The following PLPPR1 variants were observed in gnomAD, a reference collection of about 807,000 sequenced individuals.
The protein encoded by PLPPR1 is phospholipid phosphatase related 1, also known as phospholipid phosphatase-related protein type 1.
A neutral mutation model predicts 33.1 loss-of-function variants in PLPPR1; 10 were observed. The observed-to-expected ratio is 0.30, with a 90% CI of 0.19 to 0.51. The LOEUF is 0.51. PLPPR1 is among the 20% of genes least tolerant of loss of function. PLPPR1 has a pLI of 0.97. For synonymous variants in PLPPR1, 151 were observed against 151.0 expected, an observed-to-expected ratio of 1.00 and a Z score of 0.00; for missense variants, 304 against 408.1, an observed-to-expected ratio of 0.74 and a Z score of 2.20.
chr9:101,108,433 G>A (rs1219011779), intron 1 of PLPPR1, among the ~76,000 whole-genome samples: 1 of 152,200 alleles, frequency 6.6e-6, no homozygotes, highest in East Asian at 1.9e-4. Flanking sequence ...AACATGCATA[G>A]GTGATGCATA....
chr9:101,079,659 A>C (rs1446950745), intron 1 of PLPPR1, among the ~76,000 whole-genome samples: 1 of 151,702 alleles, frequency 6.6e-6, no homozygotes, highest in African/African-American at 2.4e-5. Flanking sequence ...GGCTCACTGC[A>C]ACCTCTGTCT....
chr9:101,286,841 T>A (rs1021329573), intron 4 of PLPPR1, among the ~76,000 whole-genome samples: 1 of 152,198 alleles, frequency 6.6e-6, no homozygotes, highest in Non-Finnish European at 1.5e-5. Context: ...TGGGTACAGG[T>A]AAGAATAGAG....
At chr9:101,123,691 G>C (rs1831205029) in intron 1 of PLPPR1, among the ~76,000 whole-genome samples, 1 of 152,160 alleles carries the variant, frequency 6.6e-6, no homozygotes, top group South Asian at 2.1e-4. Flanking sequence ...CTTAGCATTT[G>C]CTCTGCTACT....
At chr9:101,125,622 C>T in intron 1 of PLPPR1, 1 of 561,412 alleles carries the variant, frequency 1.8e-6, no homozygotes, top group South Asian at 1.6e-5. Context: ...TCAGAGTCAT[C>T]CTCAATTTCC....
intron 2 of PLPPR1, among the ~76,000 whole-genome samples, chr9:101,240,947 T>C (rs1436734674): frequency 6.6e-6 from 1 of 152,094 alleles, no homozygotes; most frequent in Non-Finnish European, 1.5e-5. Context: ...ATGAAGGCAT[T>C]GCCATACTTT....
chr9:101,235,687 G>A (rs1215167413), intron 2 of PLPPR1, among the ~76,000 whole-genome samples: 1 of 151,716 alleles, frequency 6.6e-6, no homozygotes, highest in Non-Finnish European at 1.5e-5. Context: ...TGATAGAACA[G>A]CAATGCCCCC....
chr9:101,044,747 T>C (rs1380103416), intron 1 of PLPPR1, among the ~76,000 whole-genome samples: 2 of 152,310 alleles, frequency 1.3e-5, no homozygotes, highest in Non-Finnish European at 2.9e-5. Flanking sequence ...ATGCATGTGC[T>C]GGCTGAGGAT....
intron 2 of PLPPR1, among the ~76,000 whole-genome samples, chr9:101,234,858 A>T (rs1827267718): frequency 6.6e-6 from 1 of 151,928 alleles, no homozygotes; most frequent in African/African-American, 2.4e-5. Context: ...AAATTTATTG[A>T]TGTGTATCTG....
chr9:101,268,705 C>T (rs948717542), intron 2 of PLPPR1, among the ~76,000 whole-genome samples: 2 of 152,124 alleles, frequency 1.3e-5, no homozygotes, highest in African/African-American at 2.4e-5. Flanking sequence ...TTATGATTTC[C>T]CTTTACTGCC....
Position 101,057,082 on chromosome 9 carries a change from C to T in PLPPR1, c.-46+27980C>T, listed in dbSNP as rs145362866. On this transcript the variant is annotated intron_variant, in intron 1 of 7. Coordinates refer to ENST00000374874, the MANE Select transcript of PLPPR1 (RefSeq NM_207299.2). ...GCCTGCCAGTGTTTATGTTGTTCTG[C>T]CCACCTTGAAAGCCATCTCCTCACC... is the stretch of plus-strand genomic sequence containing the variant. Among the ~76,000 whole-genome samples the T allele has an allele frequency of 3.6e-4, 55 of 152,132 alleles. 1 individual carries two copies. The highest frequency in any genetic ancestry group is 1.3e-3 in the African/African-American group (54 of 41,418).
intron 2 of PLPPR1, among the ~76,000 whole-genome samples, chr9:101,236,920 T>C (rs1235665319): frequency 1.3e-5 from 2 of 151,778 alleles, no homozygotes; most frequent in Non-Finnish European, 2.9e-5. Context: ...GGGAAGAAAA[T>C]GTTTGCAAAC....
At chr9:101,266,621 T>A (rs1015318510) in intron 2 of PLPPR1, among the ~76,000 whole-genome samples, 10 of 152,114 alleles carry the variant, frequency 6.6e-5, no homozygotes, top group African/African-American at 2.4e-4. Context: ...TTTATAAACT[T>A]TTAATTTATC....
chr9:101,107,674 C>T (rs1439668622), intron 1 of PLPPR1, among the ~76,000 whole-genome samples: 1 of 88,166 alleles, frequency 1.1e-5, no homozygotes, highest in African/African-American at 5.0e-5. Context: ...TGGTGGGCTC[C>T]ACCCAGTTCG....
chr9:101,144,302 T>C (rs556863689), intron 1 of PLPPR1, among the ~76,000 whole-genome samples: 1 of 152,006 alleles, frequency 6.6e-6, no homozygotes, highest in Non-Finnish European at 1.5e-5. Context: ...TTAGGAGAAA[T>C]CCCTAATGTA....
At chr9:101,276,676 A>C (rs1828202850) in intron 3 of PLPPR1, among the ~76,000 whole-genome samples, 1 of 152,242 alleles carries the variant, frequency 6.6e-6, no homozygotes, top group African/African-American at 2.4e-5. Flanking sequence ...CTGTTCAGAT[A>C]AAAAGATATA....
At position 101,306,608 on chromosome 9, in the gene PLPPR1, T is replaced by C. The variant is rs143598432; in HGVS notation, c.386-2603T>C. 1.8e-3 allele frequency among the ~76,000 whole-genome samples: 273 copies of C among 152,348 alleles called. 1 individual carries two copies. The highest frequency in any genetic ancestry group is 6.2e-3 in the African/African-American group (259 of 41,588). Reference sequence around the variant, plus strand: ...TGTCTGTTGTAAATTGGAAAATCCATTCAGAAACATAATTGGCTTTGGCTT... The same window carrying C: ...TGTCTGTTGTAAATTGGAAAATCCACTCAGAAACATAATTGGCTTTGGCTT... On this transcript the variant is annotated intron_variant, in intron 4 of 7. Transcript: ENST00000374874.
Position 101,243,855 on chromosome 9 carries a change from C to T in PLPPR1, c.64-26025C>T, listed in dbSNP as rs1198063224. ...GGGTTCACATGATAAATGAATATTTCAACATACAAGAGATAGCTGAAACCC... is the reference window on the plus strand; with the variant it reads ...GGGTTCACATGATAAATGAATATTTTAACATACAAGAGATAGCTGAAACCC... On this transcript the variant is annotated intron_variant, in intron 2 of 7. Coordinates refer to ENST00000374874, the MANE Select transcript of PLPPR1 (RefSeq NM_207299.2). Among the ~76,000 whole-genome samples, 4 of 151,886 alleles carry T rather than the reference C, an allele frequency of 2.6e-5. No individual in the cohort carries two copies. In the South Asian group the frequency reaches 8.3e-4, roughly 32 times the overall value.
chr9:101,313,110 T>G (rs1828989186), intron 6 of PLPPR1, 136 bp downstream of exon 6: 6 of 759,336 alleles, frequency 7.9e-6, no homozygotes, highest in Non-Finnish European at 1.3e-5. Context: ...CCAAGTATTA[T>G]ACATGCTTTT....
intron 1 of PLPPR1, among the ~76,000 whole-genome samples, chr9:101,171,252 G>A (rs929952570): frequency 4.9e-4 from 75 of 152,136 alleles, no homozygotes; most frequent in Non-Finnish European, 1.6e-4. Flanking sequence ...TAGGAACAAA[G>A]CTGAAAGACT....
Sources: gnomAD v4.1 joint callset for allele counts (sites outside exome capture counted in the v4.1 genomes callset) on GRCh38, gnomAD v4.1.1 for gene constraint, MANE v1.5 for transcripts, NCBI Gene and HGNC (gene_info 2026-07-23, HGNC 2026-07-21) for gene names.